The following SLIT3 variants were observed in gnomAD, a reference collection of about 807,000 sequenced individuals.
SLIT3 encodes slit guidance ligand 3.
In SLIT3, 68 loss-of-function variants were observed where a neutral mutation model predicts 184.0. The ratio of observed to expected loss-of-function variants is 0.37; its 90% CI spans 0.30 to 0.45. The LOEUF is 0.45. Among genes scored for constraint, SLIT3 ranks in the 20% least tolerant of loss-of-function variants. The pLI, the probability that SLIT3 is intolerant of heterozygous loss-of-function variation, is 1.00. For synonymous variants in SLIT3, 831 were observed against 828.6 expected, an observed-to-expected ratio of 1.00 and a Z score of -0.05; for missense variants, 1,707 against 2,026.0, an observed-to-expected ratio of 0.84 and a Z score of 3.02.
rs116180608 is a variant in SLIT3 at position 168,768,119 on chromosome 5, G to A, written c.1459+4662C>T. On this transcript the variant is annotated intron_variant, in intron 14 of 35. Coordinates refer to ENST00000519560, the MANE Select transcript of SLIT3 (RefSeq NM_003062.4). ...CCAGAGCAGAGGAGAGGTGTCCAGC[G>A]GTGGTGGCGGCGGTGGCGGGCCATG... 7.7e-4 allele frequency: 370 copies of A among 479,832 alleles called. 1 individual carries two copies. Among genetic ancestry groups the A allele is most frequent in the African/African-American group, 6.6e-3 (340 of 51,262 alleles). 29.7% of individuals were successfully genotyped at this position (479,832 alleles called of 1,614,324 possible).
intron 2 of SLIT3, among the ~76,000 whole-genome samples, chr5:169,247,179 G>A (rs1384990198): frequency 2.1e-5 from 3 of 140,656 alleles, no homozygotes; most frequent in Non-Finnish European, 3.0e-5. Context: ...TTGCACCATT[G>A]CACTCCAGCC....
At chr5:169,242,774 A>T (rs959483531) in intron 3 of SLIT3, among the ~76,000 whole-genome samples, 3 of 152,156 alleles carry the variant, frequency 2.0e-5, no homozygotes, top group African/African-American at 7.2e-5. Flanking sequence ...ACGGAGAAAT[A>T]ATCAGGTTTC....
Position 168,666,400 on chromosome 5 carries a change from GTCCCAAC to G in SLIT3, c.*47_*53del. The G allele has an allele frequency of 6.7e-7, 1 of 1,487,864 alleles. No individual in the cohort carries two copies. The highest frequency in any genetic ancestry group is 8.9e-7 in the Non-Finnish European group (1 of 1,120,474). The allele number at this position is 1,487,864 out of a possible 1,614,324, so 92.2% of individuals were successfully genotyped here. On this transcript the variant is annotated 3_prime_UTR_variant, in exon 36 of 36. Coordinates refer to ENST00000519560, the MANE Select transcript of SLIT3 (RefSeq NM_003062.4). Reference sequence around the variant, plus strand: ...AATCACCAGGGGGTCCCACATGGCTGTCCCAACTCCATCAAGCTGGAGTCCGAGAGGT... The same window carrying G: ...AATCACCAGGGGGTCCCACATGGCTGTCCATCAAGCTGGAGTCCGAGAGGT...
chr5:168,706,273 T>TA (rs141081857), intron 26 of SLIT3, among the ~76,000 whole-genome samples: 5,071 of 152,316 alleles, frequency 0.033, 292 homozygotes, highest in African/African-American at 0.12. Flanking sequence ...ATTTGATTCT[T>TA]ACGGCAAACC....
intron 23 of SLIT3, 136 bp downstream of exon 23, chr5:168,722,120 T>C: frequency 1.4e-6 from 1 of 727,440 alleles, no homozygotes; most frequent in South Asian, 1.7e-5. Flanking sequence ...ACTGAGCAAA[T>C]AAGGGTGCTG....
chr5:169,235,850 A>C (rs1028274385), intron 3 of SLIT3, among the ~76,000 whole-genome samples: 1 of 152,266 alleles, frequency 6.6e-6, no homozygotes, highest in Non-Finnish European at 1.5e-5. Context: ...CATCATATCG[A>C]AAGTACATAC....
Position 169,079,757 on chromosome 5 carries a change from G to A in SLIT3, c.413+113722C>T, listed in dbSNP as rs1758921502. ...AGGGAAGAGGAGGAGAGAAGAGGAG[G>A]AAGAGGGAAGAAGAGGGAAGGGGAA... On this transcript the variant is annotated intron_variant, in intron 4 of 35. Transcript: ENST00000519560. Among the ~76,000 whole-genome samples the A allele has an allele frequency of 3.4e-5, 4 of 117,710 alleles. No individual in the cohort carries two copies. In the South Asian group the frequency reaches 1.4e-3, roughly 41 times the overall value. The allele number at this position is 117,710 out of a possible 152,430, so 77.2% of individuals were successfully genotyped here.
chr5:168,751,763 T>G (rs1228311166), intron 18 of SLIT3, among the ~76,000 whole-genome samples: 3 of 150,792 alleles, frequency 2.0e-5, no homozygotes, highest in African/African-American at 7.4e-5. Context: ...AGTCTCGCTC[T>G]CGCTCTGTTG....
intron 4 of SLIT3, among the ~76,000 whole-genome samples, chr5:168,895,941 A>G (rs1760644216): frequency 6.6e-6 from 1 of 152,240 alleles, no homozygotes. Context: ...GATGAAATTC[A>G]TTAGTGACAA....
intron 32 of SLIT3, among the ~76,000 whole-genome samples, chr5:168,676,477 T>C (rs1223902859): frequency 6.6e-6 from 1 of 152,216 alleles, no homozygotes; most frequent in Non-Finnish European, 1.5e-5. Context: ...GAGCTATTTC[T>C]ATTTCAGAAG....
intron 4 of SLIT3, among the ~76,000 whole-genome samples, chr5:169,079,447 T>C (rs1257851657): frequency 9.2e-6 from 1 of 108,122 alleles, no homozygotes; most frequent in Non-Finnish European, 1.7e-5. Context: ...AGGGATGGGA[T>C]CCCAAACTTT....
At position 169,251,377 on chromosome 5, in the gene SLIT3, C is replaced by A. The variant is rs775587868; in HGVS notation, c.269+11G>T. 29 of 1,596,996 alleles carry A rather than the reference C, an allele frequency of 1.8e-5. No individual in the cohort carries two copies. Among genetic ancestry groups the A allele is most frequent in the Non-Finnish European group, 2.4e-5 (28 of 1,164,528 alleles). On this transcript the variant is annotated intron_variant, in intron 2 of 35. Coordinates refer to ENST00000519560, the MANE Select transcript of SLIT3 (RefSeq NM_003062.4). ...AAATGAAAACACACTTGAGAGCCAT[C>A]AACTACTTACAAGACTCGGAGGTTC...
chr5:168,851,827 C>G (rs1018877717), intron 5 of SLIT3, among the ~76,000 whole-genome samples: 6 of 152,192 alleles, frequency 3.9e-5, no homozygotes, highest in African/African-American at 1.4e-4. Context: ...ATTCCCTCAA[C>G]CATATCCCTA....
At chr5:168,980,409 C>T (rs191202835) in intron 4 of SLIT3, among the ~76,000 whole-genome samples, 4 of 152,254 alleles carry the variant, frequency 2.6e-5, no homozygotes, top group Admixed American at 6.5e-5. Flanking sequence ...GTCCCAAAAC[C>T]GTCCTACGAA....
At chr5:168,741,224 A>C (rs1264908997) in intron 20 of SLIT3, among the ~76,000 whole-genome samples, 1 of 152,138 alleles carries the variant, frequency 6.6e-6, no homozygotes, top group Non-Finnish European at 1.5e-5. Context: ...TAATCCCAGC[A>C]CTTTGGGAGG....
chr5:168,916,462 C>T (rs557054150), intron 4 of SLIT3, among the ~76,000 whole-genome samples: 7 of 152,336 alleles, frequency 4.6e-5, no homozygotes, highest in South Asian at 2.1e-4. Flanking sequence ...GACAAAGGGG[C>T]GGGGCCCTGC....
chr5:169,057,276 T>A (rs1758035497), intron 4 of SLIT3, among the ~76,000 whole-genome samples: 1 of 152,108 alleles, frequency 6.6e-6, no homozygotes, highest in South Asian at 2.1e-4. Flanking sequence ...GGATGAGACT[T>A]AGGGGAGAGG....
chr5:168,794,354 A>AATTGTAAT lies in SLIT3; in HGVS notation c.1007+1152_1007+1153insATTACAAT, dbSNP rs531585904. Among the ~76,000 whole-genome samples, 379 of 94,532 alleles carry AATTGTAAT rather than the reference A, an allele frequency of 4.0e-3. 2 individuals carry two copies. The highest frequency in any genetic ancestry group is 0.022 in the African/African-American group (339 of 15,718). 62.0% of individuals were successfully genotyped at this position (94,532 alleles called of 152,430 possible). A position where few individuals can be genotyped will look rare whatever the true frequency, so the allele number is the denominator to read the frequency against. On this transcript the variant is annotated intron_variant, in intron 10 of 35. Transcript: ENST00000519560. ...AAAAAGGGAAGGAGTATCTGTGCAGAACTGATGGCAATGGTTGGGCTGTTT... is the reference window on the plus strand; with the variant it reads ...AAAAAGGGAAGGAGTATCTGTGCAGAATTGTAATACTGATGGCAATGGTTGGGCTGTTT...
At chr5:169,151,133 G>C (rs997725233) in intron 4 of SLIT3, among the ~76,000 whole-genome samples, 1 of 152,164 alleles carries the variant, frequency 6.6e-6, no homozygotes, top group Non-Finnish European at 1.5e-5. Context: ...AGGGACACCA[G>C]GATCGACGTT....
Sources: allele counts gnomAD v4.1 joint callset (sites outside exome capture counted in the v4.1 genomes callset), GRCh38; gene constraint gnomAD v4.1.1; transcripts MANE v1.5; gene names NCBI Gene and HGNC (gene_info 2026-07-23, HGNC 2026-07-21).